PLB1: variants seen among roughly 807,000 people sequenced by gnomAD.
PLB1 encodes the protein phospholipase B1, also known as phospholipase B1, membrane-associated.
Under a neutral mutation model 227.4 loss-of-function variants are expected in PLB1, and 242 were observed. The observed-to-expected ratio is 1.06, with a 90% CI of 0.96 to 1.18. The LOEUF is 1.18. Among genes scored for constraint, PLB1 ranks in the 50% most tolerant of loss-of-function variants. The probability of loss-of-function intolerance (pLI) is 0.00; values close to 1 mark genes in which losing one functional copy is unlikely to be tolerated. For missense variants in PLB1, 1,858 were observed against 1,816.3 expected, an observed-to-expected ratio of 1.02 and a Z score of -0.42; for synonymous variants, 757 against 682.2, an observed-to-expected ratio of 1.11 and a Z score of -1.71.
chr2:28,587,017 G>A (rs1242267527), intron 26 of PLB1, among the ~76,000 whole-genome samples: 2 of 152,140 alleles, frequency 1.3e-5, no homozygotes, highest in Non-Finnish European at 1.5e-5. Flanking sequence ...CCAAAGTGCT[G>A]GGATTGCAGG....
At chr2:28,552,020 A>C (rs1674341011) in intron 16 of PLB1, among the ~76,000 whole-genome samples, 1 of 152,218 alleles carries the variant, frequency 6.6e-6, no homozygotes, top group Non-Finnish European at 1.5e-5. Flanking sequence ...GAGAGATTAA[A>C]ATGTAAATAA....
chr2:28,602,067 C>T (rs866088832), intron 38 of PLB1, 103 bp downstream of exon 38: 7 of 1,145,404 alleles, frequency 6.1e-6, no homozygotes, highest in Non-Finnish European at 7.8e-6. Flanking sequence ...CTCAAGGAGA[C>T]AGCCAGGGGC....
chr2:28,607,071 A>T (rs1416546086), intron 43 of PLB1, among the ~76,000 whole-genome samples: 2 of 152,140 alleles, frequency 1.3e-5, no homozygotes, highest in Non-Finnish European at 2.9e-5. Flanking sequence ...TGGAGGAGGG[A>T]CGAGGGTGGG....
At chr2:28,620,437 C>T (rs1686869580) in intron 47 of PLB1, 105 bp downstream of exon 47, 2 of 1,355,828 alleles carry the variant, frequency 1.5e-6, no homozygotes, top group South Asian at 2.8e-5. Flanking sequence ...GTCCCCAGGT[C>T]CCAGCGCTGA....
In PLB1 at chr2:28,610,314, C is replaced by CT. The variant is rs34563648; in HGVS notation, c.3130-3705dup. Among the ~76,000 whole-genome samples, 870 of 146,296 alleles carry CT rather than the reference C, an allele frequency of 5.9e-3. 1 individual carries two copies. The highest frequency in any genetic ancestry group is 0.01 in the African/African-American group (413 of 40,064). ...AATCAGTGTAGGTAAAGAACCAGCA[C>CT]TTTTTTTTTTTTAATTAATAGTGAT... On this transcript the variant is annotated intron_variant, in intron 43 of 57. Transcript: ENST00000327757.
intron 21 of PLB1, 49 bp downstream of exon 21, chr2:28,573,354 CAGGGG>C: frequency 7.0e-7 from 1 of 1,431,616 alleles, no homozygotes; most frequent in Non-Finnish European, 9.8e-7. Flanking sequence ...CTCTGAGGAC[CAGGGG>C]TGGGCTTGGC....
intron 12 of PLB1, among the ~76,000 whole-genome samples, chr2:28,540,749 G>T (rs1246198630): frequency 2.6e-5 from 4 of 152,188 alleles, no homozygotes. Flanking sequence ...TTGGTCATCA[G>T]TGCCACTTGT....
chr2:28,588,164 T>C (rs1681238206), intron 26 of PLB1, among the ~76,000 whole-genome samples: 1 of 152,182 alleles, frequency 6.6e-6, no homozygotes, highest in African/African-American at 2.4e-5. Flanking sequence ...ACTTACCACT[T>C]GCCATGTGCC....
At chr2:28,591,580 C>A in intron 30 of PLB1, 120 bp from the exon 31 acceptor site, 1 of 1,016,864 alleles carries the variant, frequency 9.8e-7, no homozygotes, top group Non-Finnish European at 1.4e-6. Flanking sequence ...CTTTTGAGGC[C>A]CCTCCCTAGG....
chr2:28,567,719 G>C (rs188759757), intron 20 of PLB1, among the ~76,000 whole-genome samples: 5 of 151,994 alleles, frequency 3.3e-5, no homozygotes, highest in South Asian at 2.1e-4. Flanking sequence ...TGATCTGCCC[G>C]CCTTGGCCTC....
At chr2:28,582,732 C>A (rs1680251684) in intron 25 of PLB1, among the ~76,000 whole-genome samples, 1 of 152,134 alleles carries the variant, frequency 6.6e-6, no homozygotes, top group African/African-American at 2.4e-5. Flanking sequence ...CCCTGCACCC[C>A]GCCTCTGTTG....
chr2:28,513,678 C>G (rs1489038710), intron 1 of PLB1, among the ~76,000 whole-genome samples: 1 of 152,244 alleles, frequency 6.6e-6, no homozygotes, highest in Admixed American at 6.5e-5. Flanking sequence ...CACACATACA[C>G]ACCACACAGA....
At chr2:28,522,884 C>G (rs762264878) in intron 4 of PLB1, among the ~76,000 whole-genome samples, 2 of 152,202 alleles carry the variant, frequency 1.3e-5, no homozygotes, top group Admixed American at 6.5e-5. Flanking sequence ...CCATCATGAA[C>G]TTACCTGGGG....
intron 41 of PLB1, among the ~76,000 whole-genome samples, chr2:28,605,300 G>A (rs535135431): frequency 6.6e-6 from 1 of 152,264 alleles, no homozygotes; most frequent in East Asian, 1.9e-4. Context: ...TGAGGACTGA[G>A]GTCTGTCCCC....
chr2:28,628,708 TGCTCACGGAGCAGAGACCC>T, intron 52 of PLB1, 80 bp downstream of exon 52: 1 of 1,391,410 alleles, frequency 7.2e-7, no homozygotes, highest in Non-Finnish European at 1.0e-6. Context: ...TTCAGTGAGA[TGCTCACGGAGCAGAGACCC>T]GCCATGAGTG....
At chr2:28,609,788 A>G (rs944561462) in intron 43 of PLB1, among the ~76,000 whole-genome samples, 1 of 152,208 alleles carries the variant, frequency 6.6e-6, no homozygotes, top group African/African-American at 2.4e-5. Flanking sequence ...ACAGGCATGA[A>G]ATGTCAGGGA....
chr2:28,594,469 CAAGGGGGCAGCGTGCTA>C (rs532748234), intron 33 of PLB1: 23 of 163,382 alleles, frequency 1.4e-4, no homozygotes, highest in Admixed American at 1.3e-3. Context: ...AAGCTGGCCA[CAAGGGGGCAGCGTGCTA>C]ATGAGTGGCG....
chr2:28,552,341 T>C lies in PLB1; in HGVS notation c.1084-587T>C, dbSNP rs893934225. Among the ~76,000 whole-genome samples the C allele has an allele frequency of 3.3e-5, 5 of 152,320 alleles. No homozygotes were observed. The South Asian group carries it at 6.2e-4, about 19-fold the overall frequency. On this transcript the variant is annotated intron_variant, in intron 16 of 57. Coordinates refer to ENST00000327757, the MANE Select transcript of PLB1 (RefSeq NM_153021.5). Reference sequence around the variant, plus strand: ...GCAAAGGCCTGGATGCAGGGAAATATGGAGACTTAGGTCAAGGGCTGGTGG... The same window carrying C: ...GCAAAGGCCTGGATGCAGGGAAATACGGAGACTTAGGTCAAGGGCTGGTGG...
At position 28,618,513 on chromosome 2, in the gene PLB1, A is replaced by C. The variant is rs955210651; in HGVS notation, c.3315+114A>C. 4 of 1,092,576 alleles carry C rather than the reference A, an allele frequency of 3.7e-6. No individual in the cohort carries two copies. In the East Asian group the frequency reaches 9.8e-5, roughly 27 times the overall value. The allele number at this position is 1,092,576 out of a possible 1,614,324, so 67.7% of individuals were successfully genotyped here. A position where few individuals can be genotyped will look rare whatever the true frequency, so the allele number is the denominator to read the frequency against. On this transcript the variant is annotated intron_variant, in intron 46 of 57. Coordinates refer to ENST00000327757, the MANE Select transcript of PLB1 (RefSeq NM_153021.5). ...TTTCAGTGCTGAGCCCGTGTTACTG[A>C]GGGCCTACCCATGTCAGGCACTGAA...
Sources: gnomAD v4.1 joint callset for allele counts (sites outside exome capture counted in the v4.1 genomes callset) on GRCh38, gnomAD v4.1.1 for gene constraint, MANE v1.5 for transcripts, NCBI Gene and HGNC (gene_info 2026-07-23, HGNC 2026-07-21) for gene names.